TRDN: variants seen among roughly 807,000 people sequenced by gnomAD.
The protein encoded by TRDN is triadin in skeletal muscle.
TRDN carries 161 observed loss-of-function variants against 149.7 expected under a neutral mutation model. That is an observed-to-expected ratio of 1.08 (90% CI 0.95 to 1.23). The LOEUF is 1.23. TRDN is among the 50% of genes most tolerant of loss of function. The probability of loss-of-function intolerance (pLI) is 0.00; values close to 1 mark genes in which losing one functional copy is unlikely to be tolerated. For missense variants in TRDN, 896 were observed against 823.5 expected (o/e 1.09, Z -1.08); for synonymous variants, 294 against 250.5 (o/e 1.17, Z -1.64).
At chr6:123,473,681 G>C (rs1448047521) in intron 9 of TRDN, among the ~76,000 whole-genome samples, 2 of 151,210 alleles carry the variant, frequency 1.3e-5, no homozygotes, top group Non-Finnish European at 1.5e-5. Context: ...AAAATGTTAA[G>C]GGCAGCCAGA....
At position 123,616,163 on chromosome 6, in the gene TRDN, C is replaced by G. The variant is rs112797660; in HGVS notation, c.22+20591G>C. Among the ~76,000 whole-genome samples, 174 of 152,142 alleles carry G rather than the reference C, an allele frequency of 1.1e-3. 1 individual carries two copies. The highest frequency in any genetic ancestry group is 4.1e-3 in the African/African-American group (169 of 41,524). On this transcript the variant is annotated intron_variant, in intron 1 of 40. Transcript: ENST00000334268. ...GCTAGGAATTTGAGACCAGCCTTGGCAACACAGTAAGATCCTGTCTCTACA... is the reference window on the plus strand; with the variant it reads ...GCTAGGAATTTGAGACCAGCCTTGGGAACACAGTAAGATCCTGTCTCTACA...
intron 1 of TRDN, among the ~76,000 whole-genome samples, chr6:123,593,606 T>C (rs1203940304): frequency 6.6e-6 from 1 of 152,208 alleles, no homozygotes; most frequent in Non-Finnish European, 1.5e-5. Context: ...GATGGCTGGC[T>C]TCATGTTAAC....
intron 20 of TRDN, among the ~76,000 whole-genome samples, chr6:123,360,158 T>C (rs1480342266): frequency 6.6e-6 from 1 of 152,178 alleles, no homozygotes; most frequent in Non-Finnish European, 1.5e-5. Context: ...TTAGCTATTG[T>C]GAAGCTGAAT....
chr6:123,281,009 AT>A (rs1373637748), intron 24 of TRDN, among the ~76,000 whole-genome samples: 1 of 152,116 alleles, frequency 6.6e-6, no homozygotes, highest in African/African-American at 2.4e-5. Flanking sequence ...GCAAAAATGA[AT>A]GTAGAAAAAT....
rs140017949 is a variant in TRDN at position 123,473,151 on chromosome 6, A to G, written c.854-8168T>C. Among the ~76,000 whole-genome samples the G allele has an allele frequency of 6.7e-3, 1,023 of 152,350 alleles. 7 individuals carry two copies. The highest frequency in any genetic ancestry group is 0.024 in the African/African-American group (996 of 41,578). Reference sequence around the variant, plus strand: ...TCAGACGATCAAATTACTCTGAGCTACAGGAGGACATTCAAACCAAACGCA... The same window carrying G: ...TCAGACGATCAAATTACTCTGAGCTGCAGGAGGACATTCAAACCAAACGCA... On this transcript the variant is annotated intron_variant, in intron 9 of 40. Coordinates refer to ENST00000334268, the MANE Select transcript of TRDN (RefSeq NM_006073.4).
chr6:123,532,342 A>C (rs1370643871), intron 4 of TRDN, among the ~76,000 whole-genome samples: 1 of 152,074 alleles, frequency 6.6e-6, no homozygotes, highest in Non-Finnish European at 1.5e-5. Flanking sequence ...ATCGAATACT[A>C]ACCTAGAGTC....
At chr6:123,352,655 T>C in intron 20 of TRDN, 69 bp from the exon 21 acceptor site, 5 of 1,538,968 alleles carry the variant, frequency 3.2e-6, no homozygotes, top group East Asian at 2.3e-5. Context: ...AAAAAAAGCA[T>C]TTTGGAGTTC....
chr6:123,378,001 C>A, intron 16 of TRDN, 103 bp from the exon 17 acceptor site: 1 of 753,088 alleles, frequency 1.3e-6, no homozygotes. Context: ...TGTGCTGATG[C>A]CAGATTGCAG....
intron 12 of TRDN, among the ~76,000 whole-genome samples, chr6:123,402,636 C>T (rs993797441): frequency 6.6e-6 from 1 of 152,060 alleles, no homozygotes; most frequent in Admixed American, 6.6e-5. Flanking sequence ...GAAAGTTACA[C>T]GGCAGTGTTT....
At chr6:123,571,277 C>T in intron 1 of TRDN, 145 bp from the exon 2 acceptor site, 1 of 771,374 alleles carries the variant, frequency 1.3e-6, no homozygotes, top group Non-Finnish European at 2.0e-6. Flanking sequence ...CAAAGCCTCC[C>T]TGCCCACTAG....
chr6:123,556,288 A>T (rs567553759), intron 2 of TRDN, among the ~76,000 whole-genome samples: 2 of 152,304 alleles, frequency 1.3e-5, no homozygotes, highest in African/African-American at 4.8e-5. Context: ...TGAACAATAA[A>T]TCAAAATTAT....
intron 21 of TRDN, among the ~76,000 whole-genome samples, chr6:123,345,570 A>G (rs1413005996): frequency 6.6e-6 from 1 of 151,998 alleles, no homozygotes; most frequent in Non-Finnish European, 1.5e-5. Context: ...TAAACTTTAG[A>G]ATTAGTTTGT....
chr6:123,519,484 T>C (rs1053687853), intron 5 of TRDN, among the ~76,000 whole-genome samples: 10 of 60,048 alleles, frequency 1.7e-4, no homozygotes, highest in African/African-American at 3.3e-4. Context: ...TTTTTTTTTT[T>C]TTTTTTTAAA....
intron 23 of TRDN, among the ~76,000 whole-genome samples, chr6:123,326,926 T>C (rs550166290): frequency 4.6e-5 from 7 of 152,114 alleles, no homozygotes; most frequent in Non-Finnish European, 7.4e-5. Context: ...ATTTTTCTAA[T>C]GTGTGGCTAA....
intron 20 of TRDN, among the ~76,000 whole-genome samples, chr6:123,364,871 T>C (rs1362829525): frequency 1.3e-5 from 2 of 152,182 alleles, no homozygotes. Flanking sequence ...ATATTAAGAC[T>C]CAGTTTTTTC....
At chr6:123,253,692 A>G (rs533980480) in intron 37 of TRDN, among the ~76,000 whole-genome samples, 1 of 152,152 alleles carries the variant, frequency 6.6e-6, no homozygotes, top group African/African-American at 2.4e-5. Flanking sequence ...GTACATAATC[A>G]TTTTTCTCCA....
intron 8 of TRDN, chr6:123,502,425 A>C: frequency 1.6e-6 from 1 of 622,990 alleles, no homozygotes; most frequent in South Asian, 7.1e-5. Flanking sequence ...TTAAAATAAT[A>C]AATTAAAATT....
intron 9 of TRDN, among the ~76,000 whole-genome samples, chr6:123,486,608 A>G (rs920915120): frequency 1.3e-5 from 2 of 151,434 alleles, no homozygotes; most frequent in Non-Finnish European, 3.0e-5. Flanking sequence ...GGCCAATTAC[A>G]TAACCTTATC....
chr6:123,514,482 C>T (rs941411932), intron 6 of TRDN, among the ~76,000 whole-genome samples: 2 of 152,130 alleles, frequency 1.3e-5, no homozygotes, highest in African/African-American at 4.8e-5. Flanking sequence ...CCTAAAAATT[C>T]AAGAATCTAA....
Sources: allele counts gnomAD v4.1 joint callset (sites outside exome capture counted in the v4.1 genomes callset), GRCh38; gene constraint gnomAD v4.1.1; transcripts MANE v1.5; gene names NCBI Gene and HGNC (gene_info 2026-07-23, HGNC 2026-07-21).